The following FARS2 variants were observed in gnomAD, a reference collection of about 807,000 sequenced individuals.
FARS2 encodes the protein phenylalanyl-tRNA synthetase 2, mitochondrial.
FARS2 carries 40 observed loss-of-function variants against 46.4 expected under a neutral mutation model. The observed-to-expected ratio is 0.86, with a 90% CI of 0.67 to 1.12. FARS2 has a LOEUF of 1.12. FARS2 is among the 50% of genes most tolerant of loss of function. The pLI, the probability that FARS2 is intolerant of heterozygous loss-of-function variation, is 0.00. For synonymous variants in FARS2, 234 were observed against 214.9 expected, an observed-to-expected ratio of 1.09 and a Z score of -0.78; for missense variants, 513 against 567.9, an observed-to-expected ratio of 0.90 and a Z score of 0.98.
chr6:5,508,467 G>A (rs1174540533), intron 4 of FARS2, among the ~76,000 whole-genome samples: 1 of 151,738 alleles, frequency 6.6e-6, no homozygotes, highest in Non-Finnish European at 1.5e-5. Context: ...AGGGCAGAAT[G>A]CAGAGAGGCC....
intron 1 of FARS2, among the ~76,000 whole-genome samples, chr6:5,287,782 A>C (rs1003956339): frequency 6.6e-6 from 1 of 152,096 alleles, no homozygotes; most frequent in African/African-American, 2.4e-5. Flanking sequence ...GAATTCCTTA[A>C]GATGCGGAGC....
intron 2 of FARS2, 139 bp from the exon 3 acceptor site, chr6:5,404,403 T>C (rs1461078814): frequency 2.0e-6 from 1 of 499,036 alleles, no homozygotes; most frequent in African/African-American, 1.9e-5. Flanking sequence ...TTTCATTACG[T>C]TTATTGACAG....
At chr6:5,488,924 T>C (rs1389995386) in intron 4 of FARS2, among the ~76,000 whole-genome samples, 1 of 152,206 alleles carries the variant, frequency 6.6e-6, no homozygotes, top group African/African-American at 2.4e-5. Context: ...TTTATTGTGC[T>C]CTTACTGTGT....
intron 5 of FARS2, among the ~76,000 whole-genome samples, chr6:5,568,841 C>T (rs1034380182): frequency 2.0e-5 from 3 of 152,086 alleles, no homozygotes; most frequent in Non-Finnish European, 4.4e-5. Context: ...ACTCGAGGCC[C>T]GGCACAGAAG....
At chr6:5,264,361 G>T (rs1765397325) in intron 1 of FARS2, among the ~76,000 whole-genome samples, 1 of 152,096 alleles carries the variant, frequency 6.6e-6, no homozygotes, top group Non-Finnish European at 1.5e-5. Flanking sequence ...AGGGGAAGGG[G>T]GAAGACCTTA....
At chr6:5,585,548 A>G (rs1315848283) in intron 5 of FARS2, among the ~76,000 whole-genome samples, 3 of 151,512 alleles carry the variant, frequency 2.0e-5, no homozygotes, top group Non-Finnish European at 2.9e-5. Context: ...AAGATTTCTC[A>G]TGTAAGTGAG....
At chr6:5,567,456 A>G (rs899868438) in intron 5 of FARS2, among the ~76,000 whole-genome samples, 3 of 152,192 alleles carry the variant, frequency 2.0e-5, no homozygotes, top group Non-Finnish European at 2.9e-5. Flanking sequence ...TACAGATTAC[A>G]TTGTTAAGCA....
intron 6 of FARS2, among the ~76,000 whole-genome samples, chr6:5,770,789 G>T (rs1469557029): frequency 6.6e-6 from 1 of 152,196 alleles, no homozygotes; most frequent in African/African-American, 2.4e-5. Flanking sequence ...TATGCTTCCT[G>T]GACAGCCAAC....
intron 6 of FARS2, among the ~76,000 whole-genome samples, chr6:5,719,737 C>T (rs1759767409): frequency 6.6e-6 from 1 of 152,226 alleles, no homozygotes; most frequent in Non-Finnish European, 1.5e-5. Flanking sequence ...AGAGAAGGTA[C>T]ATCTTACCAA....
chr6:5,389,666 A>C (rs1760364251), intron 2 of FARS2, among the ~76,000 whole-genome samples: 1 of 152,182 alleles, frequency 6.6e-6, no homozygotes, highest in Non-Finnish European at 1.5e-5. Context: ...TGGCTAACTG[A>C]CTTACCACCT....
chr6:5,691,062 G>A (rs935384449), intron 6 of FARS2, among the ~76,000 whole-genome samples: 1 of 152,070 alleles, frequency 6.6e-6, no homozygotes, highest in Non-Finnish European at 1.5e-5. Flanking sequence ...GGACTTCCCT[G>A]CATTGGTTAT....
At chr6:5,365,690 C>G (rs1316846306) in intron 1 of FARS2, among the ~76,000 whole-genome samples, 1 of 151,796 alleles carries the variant, frequency 6.6e-6, no homozygotes, top group Non-Finnish European at 1.5e-5. Flanking sequence ...GATTACCCTC[C>G]CTCAGTCAGT....
intron 6 of FARS2, among the ~76,000 whole-genome samples, chr6:5,717,339 A>G (rs570557502): frequency 7.0e-6 from 1 of 143,538 alleles, no homozygotes. Flanking sequence ...GGATAGAAAC[A>G]TAGATATGTA....
chr6:5,339,793 G>A (rs1024989223), intron 1 of FARS2, among the ~76,000 whole-genome samples: 1 of 152,134 alleles, frequency 6.6e-6, no homozygotes, highest in South Asian at 2.1e-4. Context: ...AACTTATAAA[G>A]CATAAATGAA....
chr6:5,416,623 GTTA>G lies in FARS2; in HGVS notation c.772+11928_772+11930del, dbSNP rs1254014139. On this transcript the variant is annotated intron_variant, in intron 3 of 6. Coordinates refer to ENST00000274680, the MANE Select transcript of FARS2 (RefSeq NM_006567.5). ...TTTAATTAGATTGTTTACATTTGATGTTATTATTGATGTTGTTGGATTGAAATG... is the reference window on the plus strand; with the variant it reads ...TTTAATTAGATTGTTTACATTTGATGTTATTGATGTTGTTGGATTGAAATG... Among the ~76,000 whole-genome samples, 10 of 152,120 alleles carry G rather than the reference GTTA, an allele frequency of 6.6e-5. No individual in the cohort carries two copies. The East Asian group carries it at 1.2e-3, about 18-fold the overall frequency.
intron 4 of FARS2, among the ~76,000 whole-genome samples, chr6:5,482,246 G>A (rs1001070090): frequency 6.6e-6 from 1 of 151,938 alleles, no homozygotes; most frequent in Non-Finnish European, 1.5e-5. Flanking sequence ...TTTGATATCA[G>A]TACAATCCAT....
chr6:5,403,573 C>T (rs138730258), intron 2 of FARS2, among the ~76,000 whole-genome samples: 2 of 152,032 alleles, frequency 1.3e-5, no homozygotes, highest in East Asian at 3.9e-4. Context: ...TCAGTCACTC[C>T]TCTCTATCTC....
At chr6:5,446,413 T>C (rs1764193146) in intron 4 of FARS2, among the ~76,000 whole-genome samples, 1 of 152,084 alleles carries the variant, frequency 6.6e-6, no homozygotes, top group Non-Finnish European at 1.5e-5. Context: ...TGATACTCCA[T>C]TTAGTAGAAT....
At chr6:5,676,621 T>C (rs1393901726) in intron 6 of FARS2, among the ~76,000 whole-genome samples, 3 of 152,248 alleles carry the variant, frequency 2.0e-5, no homozygotes, top group Non-Finnish European at 2.9e-5. Context: ...AGGATTTTTA[T>C]AGAAAGTGCT....
Sources: allele counts gnomAD v4.1 joint callset (sites outside exome capture counted in the v4.1 genomes callset), GRCh38; gene constraint gnomAD v4.1.1; transcripts MANE v1.5; gene names NCBI Gene and HGNC (gene_info 2026-07-23, HGNC 2026-07-21).